The following GRIK2 variants were observed in gnomAD, a reference collection of about 807,000 sequenced individuals.
GRIK2 encodes the protein glutamate ionotropic receptor kainate type subunit 2.
Under a neutral mutation model 100.3 loss-of-function variants are expected in GRIK2, and 32 were observed. The ratio of observed to expected loss-of-function variants is 0.32; its 90% CI spans 0.24 to 0.43. The LOEUF (loss-of-function observed/expected upper bound fraction) is 0.43, where lower values mean the gene tolerates loss of function less well. GRIK2 is among the 20% of genes least tolerant of loss of function. GRIK2 has a pLI of 1.00. For synonymous variants in GRIK2, 417 were observed against 389.4 expected (o/e 1.07, Z -0.83); for missense variants, 843 against 1,114.9 (o/e 0.76, Z 3.47).
At chr6:101,945,874 A>G (rs1366943457) in intron 14 of GRIK2, among the ~76,000 whole-genome samples, 1 of 149,774 alleles carries the variant, frequency 6.7e-6, no homozygotes, top group Non-Finnish European at 1.5e-5. Flanking sequence ...CTTAGTAACT[A>G]GAGCATTCTG....
chr6:101,759,963 G>A (rs1777398816), intron 7 of GRIK2, among the ~76,000 whole-genome samples: 1 of 124,600 alleles, frequency 8.0e-6, no homozygotes, highest in Non-Finnish European at 1.5e-5. Context: ...CTCACTTCCC[G>A]GGTTCACGCC....
intron 2 of GRIK2, among the ~76,000 whole-genome samples, chr6:101,519,144 A>G (rs1332375773): frequency 2.6e-5 from 4 of 152,098 alleles, no homozygotes; most frequent in African/African-American, 9.7e-5. Context: ...CTTCCACAAC[A>G]TTTCCTTACT....
chr6:102,003,381 ATCT>A (rs1441380384), intron 14 of GRIK2, among the ~76,000 whole-genome samples: 1 of 151,676 alleles, frequency 6.6e-6, no homozygotes, highest in Non-Finnish European at 1.5e-5. Context: ...TCCTGGAATC[ATCT>A]TGGAATCCTC....
chr6:102,046,556 A>ATGAT (rs1279900748), intron 15 of GRIK2, among the ~76,000 whole-genome samples: 3 of 152,098 alleles, frequency 2.0e-5, no homozygotes, highest in Non-Finnish European at 2.9e-5. Context: ...GTCTTCTTCC[A>ATGAT]TGATTGTAAG....
intron 2 of GRIK2, among the ~76,000 whole-genome samples, chr6:101,598,612 GAAAGA>G (rs1779042926): frequency 2.7e-5 from 3 of 113,002 alleles, no homozygotes; most frequent in Non-Finnish European, 5.7e-5. Context: ...AAAAAAAAAA[GAAAGA>G]AAAAAAATTT....
At chr6:101,525,280 T>C (rs1775094146) in intron 2 of GRIK2, among the ~76,000 whole-genome samples, 1 of 152,166 alleles carries the variant, frequency 6.6e-6, no homozygotes, top group South Asian at 2.1e-4. Flanking sequence ...TAGTTTATGT[T>C]TAGGAGGGAT....
At chr6:101,662,112 T>C (rs1769667809) in intron 4 of GRIK2, among the ~76,000 whole-genome samples, 1 of 152,198 alleles carries the variant, frequency 6.6e-6, no homozygotes, top group Non-Finnish European at 1.5e-5. Context: ...CTGCAGTTGA[T>C]TATACCAAGG....
At chr6:101,631,211 A>G (rs1197156697) in intron 4 of GRIK2, among the ~76,000 whole-genome samples, 1 of 152,172 alleles carries the variant, frequency 6.6e-6, no homozygotes, top group Non-Finnish European at 1.5e-5. Context: ...TCTGTCAGTC[A>G]TTTTGGAACA....
intron 2 of GRIK2, among the ~76,000 whole-genome samples, chr6:101,406,220 T>A (rs1447098644): frequency 6.8e-6 from 1 of 147,286 alleles, no homozygotes; most frequent in African/African-American, 2.6e-5. Flanking sequence ...TTCTGCAGGA[T>A]TTTTTTTTTA....
intron 2 of GRIK2, among the ~76,000 whole-genome samples, chr6:101,405,108 G>T (rs1020594420): frequency 2.6e-5 from 4 of 152,138 alleles, no homozygotes; most frequent in Non-Finnish European, 5.9e-5. Context: ...TCCATTCAGG[G>T]TGCTGACTAA....
intron 14 of GRIK2, among the ~76,000 whole-genome samples, chr6:101,975,298 G>A (rs1793297124): frequency 1.3e-5 from 2 of 151,920 alleles, no homozygotes; most frequent in Non-Finnish European, 2.9e-5. Flanking sequence ...GGGAATAGAT[G>A]AAATCACCTG....
intron 14 of GRIK2, among the ~76,000 whole-genome samples, chr6:101,996,178 G>A (rs1038164695): frequency 6.6e-6 from 1 of 151,958 alleles, no homozygotes; most frequent in Non-Finnish European, 1.5e-5. Context: ...TGGCTATGCC[G>A]AAGTTCATTT....
At chr6:101,742,642 T>G (rs962205155) in intron 7 of GRIK2, among the ~76,000 whole-genome samples, 1 of 152,144 alleles carries the variant, frequency 6.6e-6, no homozygotes, top group Non-Finnish European at 1.5e-5. Context: ...ATAGATAAAT[T>G]GAAACATTTT....
At chr6:101,867,741 TTA>T (rs1263576283) in intron 11 of GRIK2, among the ~76,000 whole-genome samples, 4 of 151,334 alleles carry the variant, frequency 2.6e-5, no homozygotes, top group African/African-American at 9.7e-5. Context: ...AAAATTAATA[TTA>T]TGTTTAGAAA....
intron 7 of GRIK2, among the ~76,000 whole-genome samples, chr6:101,736,075 T>C (rs1254792907): frequency 6.6e-6 from 1 of 152,054 alleles, no homozygotes; most frequent in Non-Finnish European, 1.5e-5. Context: ...ATGATCTTTT[T>C]TTACTCCATG....
At chr6:101,456,522 A>C (rs1178295006) in intron 2 of GRIK2, among the ~76,000 whole-genome samples, 1 of 152,126 alleles carries the variant, frequency 6.6e-6, no homozygotes, top group Non-Finnish European at 1.5e-5. Flanking sequence ...ATCTGAAATA[A>C]ACATTTTCTA....
intron 7 of GRIK2, among the ~76,000 whole-genome samples, chr6:101,710,384 A>G (rs972015512): frequency 6.6e-6 from 1 of 151,982 alleles, no homozygotes. Context: ...GCTTTGAAGT[A>G]TACCTCAAAA....
chr6:101,595,304 C>T (rs186131989), intron 2 of GRIK2, among the ~76,000 whole-genome samples: 1 of 151,670 alleles, frequency 6.6e-6, no homozygotes, highest in Non-Finnish European at 1.5e-5. Context: ...CAGGTAGTTA[C>T]AGACTTTCAG....
At chr6:101,644,544 G>A (rs184819235) in intron 4 of GRIK2, among the ~76,000 whole-genome samples, 63 of 151,856 alleles carry the variant, frequency 4.1e-4, no homozygotes, top group African/African-American at 1.5e-3. Context: ...AGAGGCTGTG[G>A]CTGGAATTTG....
Sources: allele counts gnomAD v4.1 joint callset (sites outside exome capture counted in the v4.1 genomes callset), GRCh38; gene constraint gnomAD v4.1.1; transcripts MANE v1.5; gene names NCBI Gene and HGNC (gene_info 2026-07-23, HGNC 2026-07-21).